RPS6KC1: variants seen among roughly 807,000 people sequenced by gnomAD.
The protein encoded by RPS6KC1 is ribosomal protein S6 kinase C1.
Under a neutral mutation model 103.8 loss-of-function variants are expected in RPS6KC1, and 54 were observed. The ratio of observed to expected loss-of-function variants is 0.52; its 90% CI spans 0.42 to 0.65. The LOEUF (loss-of-function observed/expected upper bound fraction) is 0.65, where lower values mean the gene tolerates loss of function less well. RPS6KC1 is among the 30% of genes least tolerant of loss of function. The pLI, the probability that RPS6KC1 is intolerant of heterozygous loss-of-function variation, is 0.00. For missense variants in RPS6KC1, 1,151 were observed against 1,253.8 expected (o/e 0.92, Z 1.24); for synonymous variants, 439 against 438.7 (o/e 1.00, Z -0.01).
the RPS6KC1 span, among the ~76,000 whole-genome samples, chr1:213,691,462 G>T: frequency 6.6e-5 from 10 of 152,174 alleles, no homozygotes; most frequent in South Asian, 1.9e-3. Flanking sequence ...CCTTAAAACA[G>T]ATTTTATAAA....
At chr1:213,075,374 TAAC>T (rs2079239045) in intron 2 of RPS6KC1, among the ~76,000 whole-genome samples, 1 of 152,200 alleles carries the variant, frequency 6.6e-6, no homozygotes, top group Admixed American at 6.5e-5. Context: ...AATATAAAAA[TAAC>T]AATTTTTTGT....
At chr1:213,446,631 G>A in the RPS6KC1 span, among the ~76,000 whole-genome samples, 1,827 of 152,312 alleles carry the variant, frequency 0.012, 34 homozygotes, top group African/African-American at 0.04. Flanking sequence ...ATACCTAGAT[G>A]AGTGTTTGAT....
intron 8 of RPS6KC1, among the ~76,000 whole-genome samples, chr1:213,211,689 C>T (rs2093511164): frequency 6.6e-6 from 1 of 152,158 alleles, no homozygotes; most frequent in African/African-American, 2.4e-5. Flanking sequence ...GTTAACTTCA[C>T]ATTTTAGTAT....
intron 5 of RPS6KC1, among the ~76,000 whole-genome samples, chr1:213,118,838 A>G (rs1055499147): frequency 6.6e-6 from 1 of 152,114 alleles, no homozygotes; most frequent in African/African-American, 2.4e-5. Flanking sequence ...CCAGGGTCAT[A>G]GAAAAACATT....
chr1:213,624,903 A>C, the RPS6KC1 span, among the ~76,000 whole-genome samples: 1 of 152,188 alleles, frequency 6.6e-6, no homozygotes, highest in African/African-American at 2.4e-5. Flanking sequence ...TCAAGATATC[A>C]ATTTGAGGGG....
chr1:213,392,707 G>A, the RPS6KC1 span, among the ~76,000 whole-genome samples: 1 of 152,192 alleles, frequency 6.6e-6, no homozygotes, highest in Admixed American at 6.5e-5. Flanking sequence ...TTGACTATGT[G>A]AGTACTGCAC....
At chr1:213,829,761 A>G in the RPS6KC1 span, among the ~76,000 whole-genome samples, 108 of 152,312 alleles carry the variant, frequency 7.1e-4, no homozygotes, top group African/African-American at 2.5e-3. Flanking sequence ...CCCTCCCCCA[A>G]AAAAGTCAAA....
chr1:213,783,815 C>CAAAAAAAAA, the RPS6KC1 span, among the ~76,000 whole-genome samples: 47 of 65,990 alleles, frequency 7.1e-4, no homozygotes, highest in African/African-American at 9.3e-4. Context: ...AAGATGTTGC[C>CAAAAAAAAA]AAAAAAAAAA....
At chr1:213,605,358 T>C in the RPS6KC1 span, among the ~76,000 whole-genome samples, 3 of 152,234 alleles carry the variant, frequency 2.0e-5, no homozygotes. Context: ...TTCTCAAGTT[T>C]TGGAATCAGG....
intron 8 of RPS6KC1, among the ~76,000 whole-genome samples, chr1:213,227,519 A>G (rs943599439): frequency 6.6e-6 from 1 of 152,254 alleles, no homozygotes; most frequent in East Asian, 1.9e-4. Context: ...TGGCAAGACT[A>G]TATTCCTTAC....
At chr1:213,112,961 A>C (rs2083185832) in intron 4 of RPS6KC1, among the ~76,000 whole-genome samples, 1 of 152,156 alleles carries the variant, frequency 6.6e-6, no homozygotes, top group African/African-American at 2.4e-5. Context: ...ACAGTCTATC[A>C]TTGTTGGACA....
At chr1:213,444,721 G>T in the RPS6KC1 span, among the ~76,000 whole-genome samples, 1 of 92,020 alleles carries the variant, frequency 1.1e-5, no homozygotes, top group African/African-American at 4.2e-5. Context: ...TCCAGCCTGG[G>T]CAACAAGAGT....
chr1:213,331,271 T>A, the RPS6KC1 span, among the ~76,000 whole-genome samples: 1 of 152,334 alleles, frequency 6.6e-6, no homozygotes, highest in East Asian at 1.9e-4. Flanking sequence ...TGCTTGTCTA[T>A]GAGTTAATCA....
At chr1:213,641,523 C>T in the RPS6KC1 span, among the ~76,000 whole-genome samples, 1 of 152,034 alleles carries the variant, frequency 6.6e-6, no homozygotes, top group African/African-American at 2.4e-5. Context: ...AGATCTGTCC[C>T]ATGTGTGTAG....
chr1:213,523,840 T>C, the RPS6KC1 span, among the ~76,000 whole-genome samples: 1 of 152,284 alleles, frequency 6.6e-6, no homozygotes, highest in African/African-American at 2.4e-5. Flanking sequence ...GTTTCACTGA[T>C]GAAAGGGCCT....
the RPS6KC1 span, among the ~76,000 whole-genome samples, chr1:213,753,701 G>A: frequency 6.6e-6 from 1 of 152,176 alleles, no homozygotes; most frequent in Non-Finnish European, 1.5e-5. Flanking sequence ...TCCCTTTCCT[G>A]GGGCCTCTGG....
chr1:213,462,990 G>T, the RPS6KC1 span, among the ~76,000 whole-genome samples: 1 of 152,132 alleles, frequency 6.6e-6, no homozygotes, highest in Non-Finnish European at 1.5e-5. Flanking sequence ...CTGTGTAGAG[G>T]CCTTATTCTT....
At chr1:213,636,349 T>G in the RPS6KC1 span, among the ~76,000 whole-genome samples, 32 of 151,740 alleles carry the variant, frequency 2.1e-4, no homozygotes, top group African/African-American at 7.0e-4. Flanking sequence ...GGAGGCATCA[T>G]GCTGACTTCA....
At chr1:213,176,620 T>C in intron 8 of RPS6KC1, 128 bp downstream of exon 8, 1 of 546,128 alleles carries the variant, frequency 1.8e-6, no homozygotes, top group Admixed American at 3.0e-5. Context: ...ATGTGCACTT[T>C]ACAATAACAA....
Sources: gnomAD v4.1 joint callset for allele counts (sites outside exome capture counted in the v4.1 genomes callset) on GRCh38, gnomAD v4.1.1 for gene constraint, MANE v1.5 for transcripts, NCBI Gene and HGNC (gene_info 2026-07-23, HGNC 2026-07-21) for gene names.